Variants in NBAS observed in about 807,000 individuals in gnomAD.
NBAS encodes NAG/BC035112 fusion.
A neutral mutation model predicts 302.5 loss-of-function variants in NBAS; 219 were observed. That is an observed-to-expected ratio of 0.72 (90% CI 0.65 to 0.81). The LOEUF is 0.81. NBAS is among the 30% of genes least tolerant of loss of function. The pLI, the probability that NBAS is intolerant of heterozygous loss-of-function variation, is 0.00. For synonymous variants in NBAS, 1,118 were observed against 1,021.6 expected (o/e 1.09, Z -1.80); for missense variants, 2,932 against 2,841.6 (o/e 1.03, Z -0.72).
intron 6 of NBAS, 67 bp downstream of exon 6, chr2:15,551,426 T>G (rs1462305891): frequency 1.3e-5 from 14 of 1,079,866 alleles, no homozygotes; most frequent in Middle Eastern, 2.3e-4. Context: ...ATTCTAACTT[T>G]TAAGAAACAT....
At chr2:15,141,493 T>G in the NBAS span, among the ~76,000 whole-genome samples, 1 of 152,198 alleles carries the variant, frequency 6.6e-6, no homozygotes, top group Non-Finnish European at 1.5e-5. Context: ...TCTCTTGATC[T>G]GTTTCTTACT....
the NBAS span, among the ~76,000 whole-genome samples, chr2:14,945,951 C>T: frequency 1.3e-5 from 2 of 152,090 alleles, no homozygotes; most frequent in African/African-American, 2.4e-5. Context: ...CGTGGTGGCA[C>T]GTGCCTGTAA....
chr2:15,065,222 A>G, the NBAS span, among the ~76,000 whole-genome samples: 5 of 152,264 alleles, frequency 3.3e-5, no homozygotes, highest in East Asian at 1.9e-4. Context: ...TGATATCTCA[A>G]TGAAGTTGAG....
chr2:15,408,456 T>A (rs1676527821), intron 25 of NBAS, among the ~76,000 whole-genome samples: 1 of 152,204 alleles, frequency 6.6e-6, no homozygotes, highest in Admixed American at 6.5e-5. Context: ...AGTATGATTA[T>A]TTTTTCCCCA....
chr2:15,452,366 C>A (rs185178292), intron 21 of NBAS, among the ~76,000 whole-genome samples: 1 of 151,966 alleles, frequency 6.6e-6, no homozygotes, highest in Non-Finnish European at 1.5e-5. Context: ...GAGGCCGAGG[C>A]GGGTGGATCT....
chr2:15,199,969 C>A (rs1006898559), intron 48 of NBAS, among the ~76,000 whole-genome samples: 1 of 141,748 alleles, frequency 7.1e-6, no homozygotes, highest in Admixed American at 7.4e-5. Flanking sequence ...TGGCATGAAT[C>A]AGGGCTCACT....
At chr2:14,888,996 G>A in the NBAS span, among the ~76,000 whole-genome samples, 4 of 152,188 alleles carry the variant, frequency 2.6e-5, no homozygotes, top group African/African-American at 4.8e-5. Flanking sequence ...TGTGTCCTCT[G>A]TTCGGAACTC....
chr2:15,479,562 C>T (rs185735730), intron 12 of NBAS, among the ~76,000 whole-genome samples: 2 of 152,174 alleles, frequency 1.3e-5, no homozygotes, highest in Admixed American at 1.3e-4. Context: ...TATGATTCAG[C>T]CTTGGATACA....
chr2:15,327,713 T>C, intron 38 of NBAS, 37 bp downstream of exon 38: 1 of 1,612,982 alleles, frequency 6.2e-7, no homozygotes, highest in East Asian at 2.2e-5. Context: ...TCACCTAGAG[T>C]TACACACTGT....
chr2:15,431,858 A>T (rs1391030394), intron 21 of NBAS, among the ~76,000 whole-genome samples: 3 of 152,130 alleles, frequency 2.0e-5, no homozygotes, highest in African/African-American at 7.2e-5. Context: ...AAAAGACAAG[A>T]ATACATGTTA....
At chr2:15,474,389 G>T in intron 14 of NBAS, 65 bp from the exon 15 acceptor site, 1 of 1,422,666 alleles carries the variant, frequency 7.0e-7, no homozygotes, top group Admixed American at 2.2e-5. Flanking sequence ...TAGAATTAAT[G>T]AAAGAAAATA....
At chr2:14,803,574 G>T in the NBAS span, among the ~76,000 whole-genome samples, 1 of 152,078 alleles carries the variant, frequency 6.6e-6, no homozygotes, top group African/African-American at 2.4e-5. Context: ...GATCACCATT[G>T]TTTCTTTCTG....
the NBAS span, among the ~76,000 whole-genome samples, chr2:14,946,639 C>G: frequency 6.6e-6 from 1 of 152,150 alleles, no homozygotes; most frequent in Non-Finnish European, 1.5e-5. Flanking sequence ...ATCATCCAGA[C>G]AGAAACAAAG....
intron 38 of NBAS, among the ~76,000 whole-genome samples, chr2:15,326,557 G>A (rs2148219633): frequency 6.6e-6 from 1 of 152,144 alleles, no homozygotes; most frequent in East Asian, 1.9e-4. Flanking sequence ...AAAGCAAGAA[G>A]TAATAAAGAA....
chr2:15,167,069 G>A lies in NBAS; in HGVS notation c.7095C>T (p.Arg2365=), dbSNP rs756922357. 26 of 1,597,998 alleles carry A rather than the reference G, an allele frequency of 1.6e-5. No individual in the cohort carries two copies. The highest frequency in any genetic ancestry group is 4.5e-5 in the East Asian group (2 of 44,668). The change falls in exon 52 of 52, where the codon CGC becomes CGT. Residue 2365 remains arginine (R), a synonymous_variant. Transcript: ENST00000281513. ...GCCCTCACACCCAGTGCTGTGCTGC[G>A]CGGAGGGCTGTACTGAAGGTTCTGA... is the stretch of plus-strand genomic sequence containing the variant. The part of the protein sequence containing the change: ...QAFRTFSTAL[R]AAQHWV
At chr2:15,110,730 A>C in the NBAS span, among the ~76,000 whole-genome samples, 2 of 152,142 alleles carry the variant, frequency 1.3e-5, no homozygotes, top group Non-Finnish European at 2.9e-5. Flanking sequence ...AGGTACCCCA[A>C]AGGAAAGGAC....
At chr2:14,851,112 A>C in the NBAS span, among the ~76,000 whole-genome samples, 1 of 130,924 alleles carries the variant, frequency 7.6e-6, no homozygotes, top group Admixed American at 7.0e-5. Context: ...AGACACAAAA[A>C]ACCCTTCAAA....
chr2:14,960,057 A>G, the NBAS span, among the ~76,000 whole-genome samples: 1 of 152,236 alleles, frequency 6.6e-6, no homozygotes, highest in Non-Finnish European at 1.5e-5. Context: ...TGCTAGAACT[A>G]AACTGCACTT....
chr2:15,193,305 C>A (rs1198263627), intron 48 of NBAS, among the ~76,000 whole-genome samples: 1 of 152,088 alleles, frequency 6.6e-6, no homozygotes, highest in Non-Finnish European at 1.5e-5. Context: ...TGCTTGCATA[C>A]TCCATCATAT....
Sources: gnomAD v4.1 joint callset for allele counts (sites outside exome capture counted in the v4.1 genomes callset) on GRCh38, gnomAD v4.1.1 for gene constraint, MANE v1.5 for transcripts, NCBI Gene and HGNC (gene_info 2026-07-23, HGNC 2026-07-21) for gene names.